TRMT11: variants seen among roughly 807,000 people sequenced by gnomAD.
TRMT11 encodes the protein tRNA (guanine(10)-N(2))-methyltransferase TRMT11.
TRMT11 carries 53 observed loss-of-function variants against 62.8 expected under a neutral mutation model. The ratio of observed to expected loss-of-function variants is 0.84; its 90% CI spans 0.68 to 1.06. The LOEUF is 1.06. TRMT11 is among the 50% of genes least tolerant of loss of function. The probability of loss-of-function intolerance (pLI) is 0.00; values close to 1 mark genes in which losing one functional copy is unlikely to be tolerated. For missense variants in TRMT11, 556 were observed against 553.4 expected (o/e 1.00, Z -0.05); for synonymous variants, 188 against 190.3 (o/e 0.99, Z 0.10).
intron 17 of TRMT11, among the ~76,000 whole-genome samples, chr6:126,057,009 CTG>C (rs1434638114): frequency 1.3e-5 from 2 of 152,160 alleles, no homozygotes; most frequent in Admixed American, 6.6e-5. Flanking sequence ...TCAGTGAACT[CTG>C]GTGCAATTTT....
At chr6:126,032,138 T>C (rs1458318813) in intron 12 of TRMT11, among the ~76,000 whole-genome samples, 3 of 152,168 alleles carry the variant, frequency 2.0e-5, no homozygotes, top group Non-Finnish European at 4.4e-5. Context: ...CCCAGGACCA[T>C]GGGGCAGTAC....
chr6:126,208,102 G>T (rs1292306264), downstream of TRMT11, among the ~76,000 whole-genome samples: 1 of 152,104 alleles, frequency 6.6e-6, no homozygotes, highest in Non-Finnish European at 1.5e-5. Context: ...ATTTATCTAG[G>T]GATCTCAATC....
chr6:126,257,905 C>T, the TRMT11 span: 4,864 of 1,493,044 alleles, frequency 3.3e-3, 103 homozygotes, highest in African/African-American at 0.048. Flanking sequence ...CCACCATTCA[C>T]CTGGGTCAAG....
At chr6:126,008,231 G>T (rs1272073905) in intron 7 of TRMT11, among the ~76,000 whole-genome samples, 161 bp from the exon 8 acceptor site, 1 of 152,002 alleles carries the variant, frequency 6.6e-6, no homozygotes, top group Non-Finnish European at 1.5e-5. Flanking sequence ...TAGCTTAGGG[G>T]TTTGTTTTTT....
At chr6:126,098,094 CT>C (rs1235646849) in intron 17 of TRMT11, among the ~76,000 whole-genome samples, 1 of 152,108 alleles carries the variant, frequency 6.6e-6, no homozygotes, top group African/African-American at 2.4e-5. Flanking sequence ...CACCTCTAGC[CT>C]CAGAAGGCCA....
intron 11 of TRMT11, among the ~76,000 whole-genome samples, chr6:126,016,129 TG>T (rs2127957192): frequency 6.6e-6 from 1 of 152,348 alleles, no homozygotes; most frequent in East Asian, 1.9e-4. Flanking sequence ...ACTCCATTGT[TG>T]ACAGCCACTT....
intron 21 of TRMT11, among the ~76,000 whole-genome samples, chr6:126,129,359 A>G (rs962680408): frequency 5.3e-5 from 8 of 152,148 alleles, no homozygotes; most frequent in Non-Finnish European, 8.8e-5. Context: ...ACAGTGTCTG[A>G]TGTGGAATAC....
At chr6:126,166,236 A>T (rs1370346263) in intron 21 of TRMT11, among the ~76,000 whole-genome samples, 1 of 151,852 alleles carries the variant, frequency 6.6e-6, no homozygotes, top group Non-Finnish European at 1.5e-5. Context: ...TGGAATTTTC[A>T]GCCTTTTTGC....
chr6:126,119,638 T>C (rs1777628537), intron 21 of TRMT11, among the ~76,000 whole-genome samples: 1 of 152,096 alleles, frequency 6.6e-6, no homozygotes, highest in Admixed American at 6.6e-5. Context: ...GACTCAAATA[T>C]GCCTGTTTAC....
Position 126,149,278 on chromosome 6 carries a change from G to T in TRMT11, c.*1824-25547G>T, listed in dbSNP as rs191752832. ...TTAAAGCCATTTTAGCTTAAGTGTT[G>T]TTGTAGCTACTATGGAGTCCTAGCT... On this transcript the variant is annotated intron_variant and NMD_transcript_variant, in intron 21 of 22. Transcript: ENST00000648977. Among the ~76,000 whole-genome samples, 350 of 152,260 alleles carry T rather than the reference G, an allele frequency of 2.3e-3. 3 individuals carry two copies. The highest frequency in any genetic ancestry group is 7.9e-3 in the African/African-American group (327 of 41,540).
rs1187341691 is a variant in TRMT11, at chr6:125,998,261, G to C, written c.333G>C (p.Lys111Asn). 6.2e-7 allele frequency: 1 copy of C among 1,602,658 alleles called. No homozygotes were observed. The highest frequency in any genetic ancestry group is 1.3e-5 in the African/African-American group (1 of 74,584). ...ATTCGGACTCTACATATAAAATAAA[G>C]ATTCACACTTTTAATAAGACATTGA... The part of the protein sequence containing the change: ...FLHSDSTYKI[K>N]IHTFNKTLTQ... The change falls in exon 5 of 13, where the codon AAG (lysine) becomes AAC (asparagine). Residue 111 changes from lysine (K) to asparagine (N), a missense_variant. Transcript: ENST00000334379.
chr6:126,093,631 A>ATATATATATTTTTTTTTTT (rs1554236842), intron 17 of TRMT11, among the ~76,000 whole-genome samples: 5 of 98,008 alleles, frequency 5.1e-5, no homozygotes, highest in African/African-American at 2.2e-4. Context: ...ATATATATAT[A>ATATATATATTTTTTTTTTT]TTTTCCCCCA....
the TRMT11 span, among the ~76,000 whole-genome samples, chr6:126,261,190 C>G: frequency 6.6e-6 from 1 of 152,064 alleles, no homozygotes; most frequent in South Asian, 2.1e-4. Context: ...ATTCATTATT[C>G]TGTTTAGTCT....
chr6:126,249,059 T>G, the TRMT11 span, among the ~76,000 whole-genome samples: 4 of 152,222 alleles, frequency 2.6e-5, no homozygotes, highest in East Asian at 3.9e-4. Context: ...ACATCATTCT[T>G]TTTAATGAAC....
At chr6:125,996,984 C>A (rs1210418793) in intron 3 of TRMT11, among the ~76,000 whole-genome samples, 1 of 152,128 alleles carries the variant, frequency 6.6e-6, no homozygotes, top group Non-Finnish European at 1.5e-5. Context: ...AAAACAGAAA[C>A]ATAACTTTTA....
chr6:126,060,779 G>A (rs982428110), intron 17 of TRMT11, among the ~76,000 whole-genome samples: 2 of 152,210 alleles, frequency 1.3e-5, no homozygotes, highest in Admixed American at 6.5e-5. Context: ...CCCATTTGAA[G>A]GGCTAGGGGT....
At chr6:126,115,674 T>C (rs191212384) in intron 20 of TRMT11, among the ~76,000 whole-genome samples, 1 of 152,286 alleles carries the variant, frequency 6.6e-6, no homozygotes, top group East Asian at 1.9e-4. Flanking sequence ...GTTATTAAGC[T>C]ATTGTCTCTA....
chr6:126,254,643 T>C, the TRMT11 span, among the ~76,000 whole-genome samples: 1 of 152,202 alleles, frequency 6.6e-6, no homozygotes, highest in African/African-American at 2.4e-5. Flanking sequence ...ACTTACAAGG[T>C]GAGAGTTTTT....
chr6:126,242,161 T>A, the TRMT11 span, among the ~76,000 whole-genome samples: 5 of 151,862 alleles, frequency 3.3e-5, no homozygotes, highest in Non-Finnish European at 7.4e-5. Context: ...GAGAGCCAAA[T>A]CATGAGTGAA....
Sources: allele counts gnomAD v4.1 joint callset (sites outside exome capture counted in the v4.1 genomes callset), GRCh38; gene constraint gnomAD v4.1.1; transcripts MANE v1.5; gene names NCBI Gene and HGNC (gene_info 2026-07-23, HGNC 2026-07-21).